Variants in LMAN2L observed in about 807,000 individuals in gnomAD.
The protein encoded by LMAN2L is lectin, mannose binding 2 like.
In LMAN2L, 30 loss-of-function variants were observed where a neutral mutation model predicts 44.3. The observed-to-expected ratio is 0.68, with a 90% CI of 0.51 to 0.92. The LOEUF (loss-of-function observed/expected upper bound fraction) is 0.92, where lower values mean the gene tolerates loss of function less well. LMAN2L is among the 40% of genes least tolerant of loss of function. The probability of loss-of-function intolerance (pLI) is 0.00; values close to 1 mark genes in which losing one functional copy is unlikely to be tolerated. For synonymous variants in LMAN2L, 183 were observed against 171.1 expected (o/e 1.07, Z -0.54); for missense variants, 429 against 446.1 (o/e 0.96, Z 0.35).
chr2:96,711,933 G>A lies in LMAN2L; in HGVS notation c.600C>T (p.Cys200=), dbSNP rs1252776283. The A allele has an allele frequency of 2.5e-6, 4 of 1,614,092 alleles. No individual in the cohort carries two copies. Among genetic ancestry groups the A allele is most frequent in the Non-Finnish European group, 3.4e-6 (4 of 1,180,048 alleles). ...AATGAAGATTGCGGACAATGGCTGT[G>A]CAGCCTCCCAGCTCTGTAGGCCGCC... is the stretch of plus-strand genomic sequence containing the variant. The part of the protein sequence containing the change: ...RDGRPTELGG[C]TAIVRNLHYD... Residue 200 remains cysteine, a synonymous_variant, in exon 5 of 8, where the codon TGC becomes TGT. Transcript: ENST00000264963.
rs777699586 is a variant in LMAN2L, at chr2:96,707,431, CA to C, written c.905-34del. The C allele has an allele frequency of 3.8e-6, 6 of 1,591,718 alleles. No individual in the cohort carries two copies. The South Asian group carries it at 4.5e-5, about 12-fold the overall frequency. On this transcript the variant is annotated intron_variant, in intron 7 of 7. Coordinates refer to ENST00000264963, the MANE Select transcript of LMAN2L (RefSeq NM_030805.4). ...AGCAAGAGAGAAGCAAGTCAGAAAA[CA>C]GGGAGCCCACCCAATAGGGAAGGAT...
intron 4 of LMAN2L, among the ~76,000 whole-genome samples, chr2:96,713,482 C>T (rs190951170): frequency 1.1e-4 from 16 of 152,280 alleles, no homozygotes; most frequent in South Asian, 2.1e-4. Context: ...CATAGCAGTA[C>T]GCTGTCCAGG....
At chr2:96,708,171 C>G (rs1226976961) in intron 6 of LMAN2L, among the ~76,000 whole-genome samples, 3 of 152,216 alleles carry the variant, frequency 2.0e-5, no homozygotes, top group Non-Finnish European at 4.4e-5. Flanking sequence ...TTGATCTTTT[C>G]CCAGGCTAGC....
chr2:96,728,583 T>A (rs1003299404), intron 4 of LMAN2L, among the ~76,000 whole-genome samples: 1 of 149,076 alleles, frequency 6.7e-6, no homozygotes, highest in African/African-American at 2.5e-5. Context: ...TGGTTCACGC[T>A]TGTAATCCTA....
chr2:96,717,385 A>T (rs764226844), intron 4 of LMAN2L, among the ~76,000 whole-genome samples: 3 of 152,008 alleles, frequency 2.0e-5, no homozygotes, highest in Non-Finnish European at 4.4e-5. Flanking sequence ...ACAAAAAGAT[A>T]GCTGGGCTTG....
intron 4 of LMAN2L, among the ~76,000 whole-genome samples, chr2:96,713,948 G>A (rs930084883): frequency 3.3e-5 from 5 of 152,166 alleles, no homozygotes; most frequent in East Asian, 1.9e-4. Flanking sequence ...ACAGGTAGGC[G>A]AGGGTACAGA....
chr2:96,707,490 A>T, intron 7 of LMAN2L, 92 bp from the exon 8 acceptor site: 2 of 1,420,246 alleles, frequency 1.4e-6, no homozygotes, highest in African/African-American at 2.9e-5. Context: ...CCAGTTTCTG[A>T]CACCTACTTC....
intron 4 of LMAN2L, among the ~76,000 whole-genome samples, chr2:96,723,443 T>C (rs1173505783): frequency 6.6e-6 from 1 of 152,264 alleles, no homozygotes. Flanking sequence ...TCTAATAAGA[T>C]ATGATTTGCA....
chr2:96,721,926 G>T (rs1574011894), intron 4 of LMAN2L, among the ~76,000 whole-genome samples: 1 of 152,022 alleles, frequency 6.6e-6, no homozygotes, highest in East Asian at 1.9e-4. Context: ...TGGAGGGGGG[G>T]TGGTTTCGGG....
chr2:96,738,014 T>A lies in LMAN2L; in HGVS notation c.241A>T (p.Met81Leu). Reference protein sequence around the residue: ...LWNLMGNAMVMTQYIRLTPDM... With the variant: ...LWNLMGNAMVLTQYIRLTPDM... Reference sequence around the variant, plus strand: ...GGGGTAAGGCGGATATACTGGGTCATCACCATGGCATTGCCCATCAGATTC... The same window carrying A: ...GGGGTAAGGCGGATATACTGGGTCAACACCATGGCATTGCCCATCAGATTC... Residue 81 changes from methionine (M) to leucine (L), a missense_variant, in exon 2 of 8, where the codon ATG becomes TTG. Physicochemically the swap from Met to Leu is conservative, Grantham distance 15. Coordinates refer to ENST00000264963, the MANE Select transcript of LMAN2L (RefSeq NM_030805.4). The A allele has an allele frequency of 6.2e-7, 1 of 1,614,124 alleles. No homozygotes were observed. Among genetic ancestry groups the A allele is most frequent in the Non-Finnish European group, 8.5e-7 (1 of 1,179,996 alleles).
intron 1 of LMAN2L, 47 bp from the exon 2 acceptor site, chr2:96,738,114 T>G (rs780831857): frequency 7.5e-7 from 1 of 1,337,194 alleles, no homozygotes; most frequent in Non-Finnish European, 1.1e-6. Context: ...CACCAATCCA[T>G]TCAGAAAGCA....
chr2:96,735,817 G>T (rs1327784221), intron 2 of LMAN2L, among the ~76,000 whole-genome samples: 1 of 149,482 alleles, frequency 6.7e-6, no homozygotes, highest in African/African-American at 2.5e-5. Context: ...CAGCCTGGGC[G>T]ACAGAGCGAG....
Position 96,711,702 on chromosome 2 carries a change from G to C in LMAN2L, c.738C>G (p.Pro246=). The change falls in exon 6 of 8, where the codon CCC becomes CCG. Residue 246 remains proline (P), a synonymous_variant. Transcript: ENST00000264963. ...DCIEVPGVRL[P]RGYYFGTSSI... is the part of the protein sequence containing the mutation. ...AGGAGGTGCCGAAGTAGTAGCCGCGGGGCAGGCGGACTCCGGGCACTTCAA... is the reference window on the plus strand; with the variant it reads ...AGGAGGTGCCGAAGTAGTAGCCGCGCGGCAGGCGGACTCCGGGCACTTCAA... The C allele has an allele frequency of 6.2e-7, 1 of 1,614,084 alleles. No individual in the cohort carries two copies. The highest frequency in any genetic ancestry group is 8.5e-7 in the Non-Finnish European group (1 of 1,179,972).
intron 4 of LMAN2L, among the ~76,000 whole-genome samples, chr2:96,728,160 C>T (rs951729572): frequency 6.6e-6 from 1 of 152,150 alleles, no homozygotes; most frequent in Non-Finnish European, 1.5e-5. Flanking sequence ...AGATACTTTC[C>T]ATACTCTCTG....
chr2:96,735,917 G>A (rs1037020185), intron 2 of LMAN2L, among the ~76,000 whole-genome samples: 1 of 151,968 alleles, frequency 6.6e-6, no homozygotes, highest in African/African-American at 2.4e-5. Flanking sequence ...AGAGGCTTTG[G>A]TGGAGGATCA....
At chr2:96,733,440 T>C in intron 4 of LMAN2L, 79 bp downstream of exon 4, 1 of 1,038,894 alleles carries the variant, frequency 9.6e-7, no homozygotes, top group Non-Finnish European at 1.5e-6. Flanking sequence ...ATCTCCTTTG[T>C]TCCCTCCTGT....
At chr2:96,714,593 A>G (rs2077995632) in intron 4 of LMAN2L, among the ~76,000 whole-genome samples, 1 of 152,216 alleles carries the variant, frequency 6.6e-6, no homozygotes, top group African/African-American at 2.4e-5. Context: ...TTTCAGTGAC[A>G]ATTAAGAAAA....
At chr2:96,739,797 G>T in intron 1 of LMAN2L, 57 bp downstream of exon 1, 1 of 1,573,482 alleles carries the variant, frequency 6.4e-7, no homozygotes. Flanking sequence ...CTCTACCCCT[G>T]AAATCAAGTC....
chr2:96,713,031 G>T lies in LMAN2L; in HGVS notation c.508-1006C>A, dbSNP rs2077962441. 3.1e-6 allele frequency: 4 copies of T among 1,298,354 alleles called. No homozygotes were observed. The South Asian group carries it at 5.1e-5, about 17-fold the overall frequency. The allele number at this position is 1,298,354 out of a possible 1,614,324, so 80.4% of individuals were successfully genotyped here. ...CCGGGGACTCCTGAGACAACCACAT[G>T]GACTTGAAACAGCAACAAATGTTGG... On this transcript the variant is annotated intron_variant, in intron 4 of 7. Transcript: ENST00000264963.
Sources: gnomAD v4.1 joint callset for allele counts (sites outside exome capture counted in the v4.1 genomes callset) on GRCh38, gnomAD v4.1.1 for gene constraint, MANE v1.5 for transcripts, NCBI Gene and HGNC (gene_info 2026-07-23, HGNC 2026-07-21) for gene names.